FGGY: variants seen among roughly 807,000 people sequenced by gnomAD.
The protein encoded by FGGY is FGGY carbohydrate kinase domain containing.
Under a neutral mutation model 71.3 loss-of-function variants are expected in FGGY, and 72 were observed. That is an observed-to-expected ratio of 1.01 (90% CI 0.84 to 1.23). The LOEUF is 1.23. Ranked by LOEUF, FGGY falls within the 50% of genes most tolerant of loss-of-function variation. FGGY has a pLI of 0.00. For synonymous variants in FGGY, 251 were observed against 250.3 expected, an observed-to-expected ratio of 1.00 and a Z score of -0.02; for missense variants, 668 against 682.3, an observed-to-expected ratio of 0.98 and a Z score of 0.23.
At chr1:59,323,646 C>A (rs1342902126) in intron 2 of FGGY, among the ~76,000 whole-genome samples, 1 of 152,212 alleles carries the variant, frequency 6.6e-6, no homozygotes, top group Non-Finnish European at 1.5e-5. Context: ...ATCCCACTTA[C>A]AACGTTTATT....
intron 14 of FGGY, among the ~76,000 whole-genome samples, chr1:59,727,509 A>G (rs2097962415): frequency 6.6e-6 from 1 of 152,206 alleles, no homozygotes; most frequent in South Asian, 2.1e-4. Flanking sequence ...CAAGGAGGTG[A>G]AAGATCTCTA....
chr1:59,313,134 G>C (rs528811352), intron 1 of FGGY, among the ~76,000 whole-genome samples: 9 of 152,110 alleles, frequency 5.9e-5, no homozygotes, highest in Non-Finnish European at 1.2e-4. Context: ...TTGTTGCTGT[G>C]TCCTCACATG....
At chr1:59,308,164 A>G (rs2043726943) in intron 1 of FGGY, among the ~76,000 whole-genome samples, 1 of 152,176 alleles carries the variant, frequency 6.6e-6, no homozygotes. Context: ...TTATTTTAGA[A>G]AACCATGTCA....
chr1:59,741,567 G>C (rs559052696), intron 14 of FGGY, among the ~76,000 whole-genome samples: 26 of 152,226 alleles, frequency 1.7e-4, no homozygotes, highest in Admixed American at 5.2e-4. Context: ...GCGAGAACAA[G>C]CTAAAGCAGG....
At chr1:59,476,554 T>C (rs1296718476) in intron 6 of FGGY, among the ~76,000 whole-genome samples, 2 of 152,226 alleles carry the variant, frequency 1.3e-5, no homozygotes, top group Non-Finnish European at 2.9e-5. Context: ...CCTAGTCCAG[T>C]GATGCCTGAA....
chr1:59,583,399 C>T (rs1263037811), intron 8 of FGGY, among the ~76,000 whole-genome samples: 1 of 143,318 alleles, frequency 7.0e-6, no homozygotes, highest in Non-Finnish European at 1.5e-5. Context: ...CTTATTTTTA[C>T]ATTGACACTT....
chr1:59,627,925 G>A (rs2096874672), intron 10 of FGGY, among the ~76,000 whole-genome samples: 1 of 152,130 alleles, frequency 6.6e-6, no homozygotes, highest in African/African-American at 2.4e-5. Flanking sequence ...CGAAATGACA[G>A]GTCTTCCTCT....
intron 10 of FGGY, among the ~76,000 whole-genome samples, chr1:59,635,922 T>G (rs1231457209): frequency 6.6e-6 from 1 of 152,190 alleles, no homozygotes; most frequent in Non-Finnish European, 1.5e-5. Flanking sequence ...GGTTTAAAGC[T>G]GGACTCAGAC....
At chr1:59,583,854 GT>G (rs1558432140) in intron 8 of FGGY, among the ~76,000 whole-genome samples, 1 of 142,508 alleles carries the variant, frequency 7.0e-6, no homozygotes, top group Non-Finnish European at 1.5e-5. Context: ...GATGAGACCT[GT>G]TTTGAATGAG....
intron 14 of FGGY, among the ~76,000 whole-genome samples, chr1:59,749,776 T>C (rs1379187046): frequency 6.6e-6 from 1 of 152,226 alleles, no homozygotes; most frequent in African/African-American, 2.4e-5. Flanking sequence ...ATAGCAGTCC[T>C]ATGAAAGGCA....
At chr1:59,473,868 A>G (rs2407601) in intron 6 of FGGY, among the ~76,000 whole-genome samples, 78,557 of 152,052 alleles carry the variant, frequency 0.52, 20,917 homozygotes, top group African/African-American at 0.64. Flanking sequence ...GTGTCGGGGC[A>G]GGTGGCAAGC....
chr1:59,523,528 A>G (rs756533281), intron 7 of FGGY, among the ~76,000 whole-genome samples: 3 of 152,214 alleles, frequency 2.0e-5, no homozygotes, highest in Non-Finnish European at 4.4e-5. Flanking sequence ...ATAATTTTAA[A>G]AATTTTCCAT....
intron 7 of FGGY, among the ~76,000 whole-genome samples, chr1:59,546,519 TGA>T (rs61215851): frequency 0.21 from 30,152 of 145,730 alleles, 3,347 homozygotes; most frequent in Admixed American, 0.27. Context: ...ATGATGATGA[TGA>T]TGATGATGAT....
At chr1:59,350,628 G>C (rs918833359) in intron 4 of FGGY, among the ~76,000 whole-genome samples, 7 of 152,172 alleles carry the variant, frequency 4.6e-5, no homozygotes, top group Non-Finnish European at 1.0e-4. Flanking sequence ...CTTATTTGGT[G>C]ATAGGGATTG....
intron 7 of FGGY, among the ~76,000 whole-genome samples, chr1:59,528,893 A>G (rs1273460648): frequency 6.6e-6 from 1 of 152,256 alleles, no homozygotes; most frequent in Non-Finnish European, 1.5e-5. Context: ...GTATCATTAT[A>G]GCTCAGCCAA....
chr1:59,599,738 G>A (rs1013281561), intron 8 of FGGY, among the ~76,000 whole-genome samples: 7 of 150,382 alleles, frequency 4.7e-5, no homozygotes, highest in South Asian at 2.1e-4. Flanking sequence ...AGGGGAAAGC[G>A]AGAGGGAGTG....
chr1:59,580,361 T>C (rs2096169086), intron 8 of FGGY, among the ~76,000 whole-genome samples: 1 of 152,102 alleles, frequency 6.6e-6, no homozygotes, highest in Non-Finnish European at 1.5e-5. Context: ...TGCTGTTCTT[T>C]CTGGCAAGAG....
chr1:59,488,696 C>T (rs935760996), intron 6 of FGGY, among the ~76,000 whole-genome samples: 7 of 151,568 alleles, frequency 4.6e-5, no homozygotes, highest in Admixed American at 1.3e-4. Flanking sequence ...TACTGTGTAA[C>T]GATTTTTAAA....
At chr1:59,701,668 G>A (rs2097710945) in intron 14 of FGGY, among the ~76,000 whole-genome samples, 1 of 152,098 alleles carries the variant, frequency 6.6e-6, no homozygotes, top group African/African-American at 2.4e-5. Context: ...GTCAGGACTT[G>A]GAAGTATAAA....
Sources: allele counts gnomAD v4.1 joint callset (sites outside exome capture counted in the v4.1 genomes callset), GRCh38; gene constraint gnomAD v4.1.1; transcripts MANE v1.5; gene names NCBI Gene and HGNC (gene_info 2026-07-23, HGNC 2026-07-21).